Variants in MARK3 observed in about 807,000 individuals in gnomAD.
The protein encoded by MARK3 is microtubule affinity regulating kinase 3.
In MARK3, 46 loss-of-function variants were observed where a neutral mutation model predicts 90.1. The ratio of observed to expected loss-of-function variants is 0.51; its 90% CI spans 0.40 to 0.65. The LOEUF is 0.65. Ranked by LOEUF, MARK3 falls within the 30% of genes least tolerant of loss-of-function variation. The pLI, the probability that MARK3 is intolerant of heterozygous loss-of-function variation, is 0.00. For synonymous variants in MARK3, 321 were observed against 332.6 expected, an observed-to-expected ratio of 0.97 and a Z score of 0.38; for missense variants, 818 against 947.2, an observed-to-expected ratio of 0.86 and a Z score of 1.79.
At chr14:103,429,904 A>G (rs1043936848) in intron 3 of MARK3, among the ~76,000 whole-genome samples, 1 of 152,188 alleles carries the variant, frequency 6.6e-6, no homozygotes, top group African/African-American at 2.4e-5. Flanking sequence ...GTTTTCCCGG[A>G]AAAATTTTTA....
At chr14:103,466,703 C>A (rs2093509711) in intron 10 of MARK3, among the ~76,000 whole-genome samples, 1 of 151,760 alleles carries the variant, frequency 6.6e-6, no homozygotes, top group African/African-American at 2.4e-5. Context: ...ATTATTTTAC[C>A]CTACAAAAGA....
chr14:103,417,089 G>C (rs1371476215), intron 2 of MARK3, among the ~76,000 whole-genome samples: 1 of 152,186 alleles, frequency 6.6e-6, no homozygotes, highest in East Asian at 1.9e-4. Context: ...TCAGCATGGC[G>C]TTGTGCTACT....
intron 15 of MARK3, among the ~76,000 whole-genome samples, chr14:103,492,505 C>T (rs2094034327): frequency 1.3e-5 from 2 of 152,138 alleles, no homozygotes; most frequent in African/African-American, 4.8e-5. Flanking sequence ...GAGTCCAAAT[C>T]TTGAAAGTTT....
chr14:103,462,474 GCC>G lies in MARK3; in HGVS notation c.540+14_540+15del. On this transcript the variant is annotated intron_variant, in intron 7 of 17. Transcript: ENST00000429436. ...TCGAGACCTCAAGGTGAGTAGAAGTGCCTCACTCAGTGTATGCTCTGTCTGTT... is the reference window on the plus strand; with the variant it reads ...TCGAGACCTCAAGGTGAGTAGAAGTGTCACTCAGTGTATGCTCTGTCTGTT... The G allele has an allele frequency of 6.3e-7, 1 of 1,592,006 alleles. No homozygotes were observed. The highest frequency in any genetic ancestry group is 8.6e-7 in the Non-Finnish European group (1 of 1,162,156).
chr14:103,498,538 A>G lies in MARK3; in HGVS notation c.1871+10A>G. 3 of 1,351,578 alleles carry G rather than the reference A, an allele frequency of 2.2e-6. No individual in the cohort carries two copies. Among genetic ancestry groups the G allele is most frequent in the Non-Finnish European group, 2.9e-6 (3 of 1,047,274 alleles). 83.7% of individuals were successfully genotyped at this position (1,351,578 alleles called of 1,614,324 possible). Reference sequence around the variant, plus strand: ...TCAGGTTTATCAAAAGGTAGGATTTATATATACACATTTATTTTTCAATCC... The same window carrying G: ...TCAGGTTTATCAAAAGGTAGGATTTGTATATACACATTTATTTTTCAATCC... On this transcript the variant is annotated intron_variant, in intron 16 of 17. Coordinates refer to ENST00000429436, the MANE Select transcript of MARK3 (RefSeq NM_001128918.3).
intron 2 of MARK3, among the ~76,000 whole-genome samples, chr14:103,418,678 G>T (rs958811374): frequency 6.6e-6 from 1 of 152,032 alleles, no homozygotes; most frequent in African/African-American, 2.4e-5. Flanking sequence ...TTGCATAAAT[G>T]CTTATGTTTA....
Position 103,467,872 on chromosome 14 carries a change from A to G in MARK3, c.1111-161A>G, listed in dbSNP as rs937601234. The G allele has an allele frequency of 1.0e-4, 59 of 577,388 alleles. 1 individual carries two copies. The highest frequency in any genetic ancestry group is 4.4e-4 in the South Asian group (15 of 34,196). The allele number at this position is 577,388 out of a possible 1,614,324, so 35.8% of individuals were successfully genotyped here. A position where few individuals can be genotyped will look rare whatever the true frequency, so the allele number is the denominator to read the frequency against. ...GTGTCTTTCCAGCCGTCAGAAAACT[A>G]CTTTTGCTTGAGTTTAGGGTTGTCA... On this transcript the variant is annotated intron_variant, in intron 11 of 17. Coordinates refer to ENST00000429436, the MANE Select transcript of MARK3 (RefSeq NM_001128918.3).
At chr14:103,414,010 G>A (rs1400023432) in intron 2 of MARK3, among the ~76,000 whole-genome samples, 2 of 152,150 alleles carry the variant, frequency 1.3e-5, no homozygotes. Context: ...CTCCTGTACA[G>A]GTTTTTCTGT....
intron 15 of MARK3, among the ~76,000 whole-genome samples, chr14:103,496,643 C>T (rs1219207737): frequency 6.6e-6 from 1 of 151,984 alleles, no homozygotes; most frequent in Non-Finnish European, 1.5e-5. Context: ...AAACTCCTGA[C>T]CTCAAGTGAT....
intron 2 of MARK3, among the ~76,000 whole-genome samples, chr14:103,424,309 GATC>G (rs1430482240): frequency 6.6e-6 from 1 of 152,000 alleles, no homozygotes; most frequent in East Asian, 1.9e-4. Context: ...GAGGTGGGCA[GATC>G]GCTTGAGCCC....
At chr14:103,443,030 A>G (rs1020247790) in intron 3 of MARK3, among the ~76,000 whole-genome samples, 2 of 151,922 alleles carry the variant, frequency 1.3e-5, no homozygotes, top group African/African-American at 4.8e-5. Flanking sequence ...GGGAGAGAAA[A>G]CACAGAAAAA....
chr14:103,459,654 C>T (rs897994166), intron 6 of MARK3, among the ~76,000 whole-genome samples: 1 of 149,266 alleles, frequency 6.7e-6, no homozygotes, highest in African/African-American at 2.5e-5. Context: ...TGTGCACCAC[C>T]ACGCCCAGCT....
chr14:103,391,536 A>G (rs907296437), intron 1 of MARK3, among the ~76,000 whole-genome samples: 6 of 147,784 alleles, frequency 4.1e-5, no homozygotes, highest in Non-Finnish European at 9.0e-5. Flanking sequence ...TGATATGTCA[A>G]ATATGCTTTT....
In MARK3 at chr14:103,491,005, C is replaced by T. The variant is rs187961973; in HGVS notation, c.1587-772C>T. ...AGCCCTGCCTCAGTTTGTACATCTA[C>T]CTGTCGGCTGAGACATCAGAAGTCG... On this transcript the variant is annotated intron_variant, in intron 14 of 17. Transcript: ENST00000429436. The T allele has an allele frequency of 9.3e-5, 120 of 1,288,460 alleles. No homozygotes were observed. The African/African-American group carries it at 1.7e-3, about 18-fold the overall frequency. The allele number at this position is 1,288,460 out of a possible 1,614,324, so 79.8% of individuals were successfully genotyped here.
intron 3 of MARK3, among the ~76,000 whole-genome samples, chr14:103,443,806 C>T (rs1368621465): frequency 6.6e-6 from 1 of 151,994 alleles, no homozygotes; most frequent in Non-Finnish European, 1.5e-5. Flanking sequence ...CTTGAAAATT[C>T]CTTCTCATGA....
chr14:103,471,298 T>C (rs901080970), intron 12 of MARK3, among the ~76,000 whole-genome samples: 1 of 151,372 alleles, frequency 6.6e-6, no homozygotes, highest in African/African-American at 2.5e-5. Flanking sequence ...TAGTGCCTTT[T>C]TCCCCCCAGC....
intron 3 of MARK3, among the ~76,000 whole-genome samples, chr14:103,446,669 C>T (rs1050663528): frequency 6.7e-6 from 1 of 149,356 alleles, no homozygotes; most frequent in African/African-American, 2.5e-5. Context: ...GCTGTGTATC[C>T]TGAGCTATAT....
At chr14:103,399,242 CTTCTTTTATA>C (rs1264560763) in intron 1 of MARK3, among the ~76,000 whole-genome samples, 1 of 152,124 alleles carries the variant, frequency 6.6e-6, no homozygotes, top group East Asian at 1.9e-4. Context: ...ACAATTCATG[CTTCTTTTATA>C]TGTGGGCAAA....
chr14:103,492,531 T>TA (rs2142026036), intron 15 of MARK3, among the ~76,000 whole-genome samples: 1 of 152,356 alleles, frequency 6.6e-6, no homozygotes, highest in South Asian at 2.1e-4. Context: ...TCAGTCTTAG[T>TA]AATTTATATT....
Sources: allele counts gnomAD v4.1 joint callset (sites outside exome capture counted in the v4.1 genomes callset), GRCh38; gene constraint gnomAD v4.1.1; transcripts MANE v1.5; gene names NCBI Gene and HGNC (gene_info 2026-07-23, HGNC 2026-07-21).